ECPAS: variants seen among roughly 807,000 people sequenced by gnomAD.
The protein encoded by ECPAS is Ecm29 proteasome adaptor and scaffold.
A neutral mutation model predicts 255.1 loss-of-function variants in ECPAS; 70 were observed. That is an observed-to-expected ratio of 0.27 (90% CI 0.23 to 0.33). The LOEUF is 0.33. Ranked by LOEUF, ECPAS falls within the 10% of genes least tolerant of loss-of-function variation. The pLI, the probability that ECPAS is intolerant of heterozygous loss-of-function variation, is 1.00. For missense variants in ECPAS, 1,817 were observed against 2,206.4 expected, an observed-to-expected ratio of 0.82 and a Z score of 3.54; for synonymous variants, 784 against 775.0, an observed-to-expected ratio of 1.01 and a Z score of -0.19.
chr9:111,434,383 A>G (rs1161452010), intron 7 of ECPAS, among the ~76,000 whole-genome samples: 1 of 152,222 alleles, frequency 6.6e-6, no homozygotes, highest in Non-Finnish European at 1.5e-5. Flanking sequence ...ACTGGTTAAA[A>G]CATATCACAT....
At chr9:111,434,895 G>GGTTT (rs2098235545) in intron 7 of ECPAS, among the ~76,000 whole-genome samples, 1 of 52,206 alleles carries the variant, frequency 1.9e-5, no homozygotes, top group South Asian at 4.5e-4. Context: ...ACCACATCTG[G>GGTTT]CTTTTTTTTT....
Position 111,440,457 on chromosome 9 carries a change from C to T in ECPAS, c.454G>A (p.Ala152Thr). 6.2e-7 allele frequency: 1 copy of T among 1,613,010 alleles called. No homozygotes were observed. Residue 152 changes from alanine to threonine, a missense_variant, in exon 6 of 50, where the codon GCT becomes ACT. By Grantham distance (58) the Ala-to-Thr change is moderately conservative. Transcript: ENST00000684092. ...TTCTCAGCAAGATTAAATGGAGAAG[C>T]TGATTTTGATGATTCAACAGGGTAT... ...MKYPVESSKSASPFNLAEKPK... is the reference protein window; with the variant it reads ...MKYPVESSKSTSPFNLAEKPK...
chr9:111,388,187 G>C lies in ECPAS; in HGVS notation c.3447+1369C>G, dbSNP rs570602761. The stretch of plus-strand genomic sequence containing the variant: ...TTACATGTAAGAAAACCAAGACAAA[G>C]AGGTAAATAACAAACTGATGTCTTC... On this transcript the variant is annotated intron_variant, in intron 31 of 49. Coordinates refer to ENST00000684092, the MANE Select transcript of ECPAS (RefSeq NM_001364929.1). Among the ~76,000 whole-genome samples, 10 of 151,886 alleles carry C rather than the reference G, an allele frequency of 6.6e-5. No homozygotes were observed. The East Asian group carries it at 1.5e-3, about 24-fold the overall frequency.
rs1253345067 is a variant in ECPAS, at chr9:111,406,385, G to A, written c.2652+2186C>T. 2.0e-5 allele frequency among the ~76,000 whole-genome samples: 3 copies of A among 149,678 alleles called. 1 individual carries two copies. The highest frequency in any genetic ancestry group is 7.6e-5 in the African/African-American group (3 of 39,406). ...AGGTACTGGAGAACGGGGAAAGAGA[G>A]CTTGGCTAATGGGAACTAAAATACA... On this transcript the variant is annotated intron_variant, in intron 24 of 49. Transcript: ENST00000684092.
chr9:111,384,444 A>G (rs2098144708), intron 34 of ECPAS, 78 bp downstream of exon 34: 4 of 1,302,702 alleles, frequency 3.1e-6, no homozygotes, highest in African/African-American at 1.5e-5. Flanking sequence ...GTCTTTTCCT[A>G]TGACAGTAAG....
At chr9:111,371,994 A>T (rs1248598261) in intron 42 of ECPAS, among the ~76,000 whole-genome samples, 165 bp from the exon 43 acceptor site, 1 of 152,246 alleles carries the variant, frequency 6.6e-6, no homozygotes, top group Non-Finnish European at 1.5e-5. Flanking sequence ...GTTGTGACTT[A>T]TTCTCACAAT....
chr9:111,379,792 A>C (rs2098138242), intron 35 of ECPAS, among the ~76,000 whole-genome samples: 1 of 152,180 alleles, frequency 6.6e-6, no homozygotes, highest in Non-Finnish European at 1.5e-5. Context: ...TCATGAAACC[A>C]CTTTCTTTGC....
At position 111,360,983 on chromosome 9, in the gene ECPAS, A is replaced by G. The variant is rs1467468524; in HGVS notation, c.*1047T>C. On this transcript the variant is annotated 3_prime_UTR_variant, in exon 50 of 50. Transcript: ENST00000684092. Reference sequence around the variant, plus strand: ...AGGGGCATGGGCAACAGAAGGAAGGAGGAAAACCCCTAGTGGCAATGATTT... The same window carrying G: ...AGGGGCATGGGCAACAGAAGGAAGGGGGAAAACCCCTAGTGGCAATGATTT... 2 of 152,204 alleles carry G rather than the reference A, an allele frequency of 1.3e-5. No individual in the cohort carries two copies. The highest frequency in any genetic ancestry group is 2.9e-5 in the Non-Finnish European group (2 of 68,046). 9.4% of individuals were successfully genotyped at this position (152,204 alleles called of 1,614,324 possible). A position where few individuals can be genotyped will look rare whatever the true frequency, so the allele number is the denominator to read the frequency against.
intron 10 of ECPAS, among the ~76,000 whole-genome samples, chr9:111,427,171 A>AC (rs199906233): frequency 0.055 from 8,292 of 151,598 alleles, 565 homozygotes; most frequent in African/African-American, 0.15. Context: ...AAAAAAAAAA[A>AC]AAGCAATGAA....
intron 1 of ECPAS, among the ~76,000 whole-genome samples, chr9:111,475,430 A>AT (rs1472206223): frequency 1.3e-5 from 2 of 152,248 alleles, no homozygotes; most frequent in East Asian, 3.8e-4. Context: ...TACTGAAAGC[A>AT]TAATTCAAAA....
intron 24 of ECPAS, among the ~76,000 whole-genome samples, chr9:111,401,325 T>C (rs1423563907): frequency 1.3e-5 from 2 of 151,948 alleles, no homozygotes; most frequent in Non-Finnish European, 2.9e-5. Flanking sequence ...CACATATTGG[T>C]AGGACCGTGA....
At chr9:111,395,817 A>G (rs1352555542) in intron 25 of ECPAS, among the ~76,000 whole-genome samples, 1 of 152,130 alleles carries the variant, frequency 6.6e-6, no homozygotes, top group Non-Finnish European at 1.5e-5. Flanking sequence ...CTTGTTAACA[A>G]TGTTGCTTCC....
Position 111,472,999 on chromosome 9 carries a change from A to C in ECPAS, c.-81T>G. ...TCGTACATATGCAATTGTATAAAGA[A>C]TCTATTATTTAGAACACCAAAAAAA... On this transcript the variant is annotated splice_region_variant and 5_prime_UTR_variant, in exon 2 of 50. Coordinates refer to ENST00000684092, the MANE Select transcript of ECPAS (RefSeq NM_001364929.1). 9.2e-7 allele frequency: 1 copy of C among 1,090,452 alleles called. No homozygotes were observed. 67.5% of individuals were successfully genotyped at this position (1,090,452 alleles called of 1,614,324 possible).
chr9:111,422,277 C>T (rs1346232346), intron 13 of ECPAS, 77 bp from the exon 14 acceptor site: 3 of 1,458,594 alleles, frequency 2.1e-6, no homozygotes, highest in Non-Finnish European at 2.9e-6. Flanking sequence ...AAACTAAACA[C>T]AAATTTTCCT....
intron 2 of ECPAS, among the ~76,000 whole-genome samples, chr9:111,467,766 T>C (rs1214736477): frequency 2.0e-5 from 3 of 152,174 alleles, no homozygotes; most frequent in Admixed American, 1.3e-4. Flanking sequence ...TTCACAGATA[T>C]AAGTATATAA....
At chr9:111,452,339 C>T (rs546212399) in intron 2 of ECPAS, among the ~76,000 whole-genome samples, 1 of 152,224 alleles carries the variant, frequency 6.6e-6, no homozygotes, top group South Asian at 2.1e-4. Flanking sequence ...TTCTATATTT[C>T]GATCTGCGTG....
Position 111,414,584 on chromosome 9 carries a change from G to A in ECPAS, c.1832C>T (p.Ala611Val), listed in dbSNP as rs144693322. Residue 611 changes from alanine to valine, a missense_variant, in exon 19 of 50, where the codon GCT (alanine) becomes GTT (valine). Transcript: ENST00000684092. ...AGVVPTSQSL[A>V]DMQDHAPAIG... ...GGCTGGGGCATGATCCTGCATATCA[G>A]CCAAACTCTGAGAGGTGGGCACCAC... The A allele has an allele frequency of 6.2e-7, 1 of 1,614,006 alleles. No homozygotes were observed. Among genetic ancestry groups the A allele is most frequent in the Non-Finnish European group, 8.5e-7 (1 of 1,179,892 alleles).
intron 2 of ECPAS, among the ~76,000 whole-genome samples, chr9:111,470,749 C>CAG (rs1207078935): frequency 7.8e-6 from 1 of 127,398 alleles, no homozygotes; most frequent in African/African-American, 2.7e-5. Flanking sequence ...CCTCCCGCCA[C>CAG]ACACACACAC....
intron 46 of ECPAS, 40 bp downstream of exon 46, chr9:111,368,995 C>T (rs879176078): frequency 6.7e-7 from 1 of 1,488,186 alleles, no homozygotes; most frequent in East Asian, 2.5e-5. Context: ...ATTAAGTAAC[C>T]TCTGGTTACA....
Sources: gnomAD v4.1 joint callset for allele counts (sites outside exome capture counted in the v4.1 genomes callset) on GRCh38, gnomAD v4.1.1 for gene constraint, MANE v1.5 for transcripts, NCBI Gene and HGNC (gene_info 2026-07-23, HGNC 2026-07-21) for gene names.